The following ESR1 variants were observed in gnomAD, a reference collection of about 807,000 sequenced individuals.
ESR1 encodes the protein estrogen receptor 1.
ESR1 carries 12 observed loss-of-function variants against 52.7 expected under a neutral mutation model. The observed-to-expected ratio is 0.23, with a 90% CI of 0.15 to 0.37. The LOEUF (loss-of-function observed/expected upper bound fraction) is 0.37. Among genes scored for constraint, ESR1 ranks in the 10% least tolerant of loss-of-function variants. The pLI, the probability that ESR1 is intolerant of heterozygous loss-of-function variation, is 1.00. For missense variants in ESR1, 584 were observed against 779.7 expected (o/e 0.75, Z 2.99); for synonymous variants, 305 against 316.8 (o/e 0.96, Z 0.39).
At chr6:152,096,395 C>T (rs941459094) in intron 7 of ESR1, among the ~76,000 whole-genome samples, 1 of 152,216 alleles carries the variant, frequency 6.6e-6, no homozygotes. Context: ...CTCCATTAAA[C>T]TCCCAGGCAC....
intron 3 of ESR1, among the ~76,000 whole-genome samples, chr6:151,923,531 T>C (rs2032109285): frequency 6.6e-6 from 1 of 152,232 alleles, no homozygotes; most frequent in Non-Finnish European, 1.5e-5. Context: ...GTCTGTTTAA[T>C]ATCTTTCTTT....
intron 6 of ESR1, among the ~76,000 whole-genome samples, chr6:152,065,636 A>G (rs1400737128): frequency 1.3e-5 from 2 of 152,150 alleles, no homozygotes; most frequent in African/African-American, 4.8e-5. Flanking sequence ...CTCTCCCTGG[A>G]GAACCAGCCA....
upstream of ESR1, among the ~76,000 whole-genome samples, chr6:151,688,485 C>G (rs1778774294): frequency 6.6e-6 from 1 of 152,144 alleles, no homozygotes; most frequent in African/African-American, 2.4e-5. Flanking sequence ...ACTTACCTCA[C>G]TGGGTTGCTA....
At chr6:152,128,897 C>T (rs1270186117) in exon 7 of ESR1, 4 of 152,172 alleles carry the variant, frequency 2.6e-5, no homozygotes, top group Non-Finnish European at 4.4e-5. Flanking sequence ...CCGACGGTAA[C>T]GAAGCCCAAG....
Position 151,929,472 on chromosome 6 carries a change from A to G in ESR1, c.761-14701A>G, listed in dbSNP as rs1232569456. Among the ~76,000 whole-genome samples the G allele has an allele frequency of 2.6e-5, 4 of 152,156 alleles. No homozygotes were observed. The East Asian group carries it at 5.8e-4, about 22-fold the overall frequency. On this transcript the variant is annotated intron_variant, in intron 3 of 7. Coordinates refer to ENST00000206249, the MANE Select transcript of ESR1 (RefSeq NM_000125.4). ...AGTTATTACATTTAAAGTGGGCATT[A>G]TTACTAGGATAAATACCAAATAAAG...
upstream of ESR1, among the ~76,000 whole-genome samples, chr6:151,689,214 G>T (rs1284581854): frequency 7.1e-6 from 1 of 140,688 alleles, no homozygotes; most frequent in Non-Finnish European, 1.6e-5. Flanking sequence ...ATAATTGAAA[G>T]ATTTAATTAA....
chr6:151,989,045 A>G (rs1259993400), intron 4 of ESR1, among the ~76,000 whole-genome samples: 1 of 152,154 alleles, frequency 6.6e-6, no homozygotes, highest in Non-Finnish European at 1.5e-5. Flanking sequence ...CCGCTCCACA[A>G]AAATTCATAA....
At chr6:151,710,353 G>C (rs1205082452) in intron 2 of ESR1, among the ~76,000 whole-genome samples, 2 of 151,524 alleles carry the variant, frequency 1.3e-5, no homozygotes, top group African/African-American at 4.9e-5. Flanking sequence ...AAATGAAGAT[G>C]CTCCAACCGT....
chr6:152,047,403 T>C lies in ESR1; in HGVS notation c.1236-13588T>C, dbSNP rs532407683. Among the ~76,000 whole-genome samples, 10 of 152,100 alleles carry C rather than the reference T, an allele frequency of 6.6e-5. No homozygotes were observed. The East Asian group carries it at 1.7e-3, about 27-fold the overall frequency. ...CCAACACTGTATTGGAAAAGTGTCA[T>C]GGAAAGGATAGTTAGTGGATTAAGG... On this transcript the variant is annotated intron_variant, in intron 5 of 7. Transcript: ENST00000206249.
upstream of ESR1, among the ~76,000 whole-genome samples, chr6:151,804,057 G>A (rs572165909): frequency 2.0e-5 from 3 of 149,492 alleles, no homozygotes; most frequent in African/African-American, 5.0e-5. Flanking sequence ...GTGTCCAGCA[G>A]GAGAGGGTAG....
At chr6:151,716,907 G>A (rs1347438477) in intron 2 of ESR1, among the ~76,000 whole-genome samples, 2 of 152,294 alleles carry the variant, frequency 1.3e-5, no homozygotes, top group East Asian at 1.9e-4. Context: ...TAGCTAGTTC[G>A]GTGTCTGACC....
chr6:151,717,661 C>T (rs959168810), intron 2 of ESR1, among the ~76,000 whole-genome samples: 6 of 151,972 alleles, frequency 3.9e-5, no homozygotes, highest in African/African-American at 7.3e-5. Flanking sequence ...TGGCTGACCC[C>T]GGTGGTAGGG....
At chr6:151,961,879 C>A (rs2037716740) in intron 4 of ESR1, among the ~76,000 whole-genome samples, 1 of 152,160 alleles carries the variant, frequency 6.6e-6, no homozygotes, top group Admixed American at 6.5e-5. Context: ...TAGTTGTGGG[C>A]TCTTCTTCAG....
At chr6:151,816,638 T>G (rs1779697387) in intron 1 of ESR1, among the ~76,000 whole-genome samples, 1 of 152,214 alleles carries the variant, frequency 6.6e-6, no homozygotes, top group Admixed American at 6.5e-5. Context: ...CCTATTGTGA[T>G]TAGAAGTTAA....
intron 6 of ESR1, chr6:152,122,006 T>C (rs2051499073): frequency 4.5e-6 from 1 of 222,530 alleles, no homozygotes; most frequent in Admixed American, 5.2e-5. Flanking sequence ...TCAGCACTGG[T>C]TGGTTGGTAG....
At chr6:151,876,034 G>A (rs1039737158) in intron 2 of ESR1, among the ~76,000 whole-genome samples, 17 of 152,118 alleles carry the variant, frequency 1.1e-4, no homozygotes, top group Non-Finnish European at 2.2e-4. Flanking sequence ...CTGTGGTAAT[G>A]ATCTGGGCTG....
intron 4 of ESR1, among the ~76,000 whole-genome samples, chr6:151,963,366 CA>C (rs2037895327): frequency 6.6e-6 from 1 of 152,110 alleles, no homozygotes; most frequent in Non-Finnish European, 1.5e-5. Flanking sequence ...AGAGTGATCC[CA>C]GCATTCAGAA....
intron 4 of ESR1, among the ~76,000 whole-genome samples, chr6:151,956,707 T>G (rs2036952598): frequency 6.6e-6 from 1 of 151,556 alleles, no homozygotes; most frequent in Non-Finnish European, 1.5e-5. Flanking sequence ...TGTATCATTT[T>G]ATCATTATTT....
chr6:151,923,948 A>G (rs2128468317), intron 3 of ESR1, among the ~76,000 whole-genome samples: 1 of 152,330 alleles, frequency 6.6e-6, no homozygotes, highest in African/African-American at 2.4e-5. Flanking sequence ...AGAGTTCTTG[A>G]TGCTCGACAT....
Sources: gnomAD v4.1 joint callset for allele counts (sites outside exome capture counted in the v4.1 genomes callset) on GRCh38, gnomAD v4.1.1 for gene constraint, MANE v1.5 for transcripts, NCBI Gene and HGNC (gene_info 2026-07-23, HGNC 2026-07-21) for gene names.